GRIN3A: variants seen among roughly 807,000 people sequenced by gnomAD.
The protein encoded by GRIN3A is glutamate ionotropic receptor NMDA type subunit 3A.
A neutral mutation model predicts 92.4 loss-of-function variants in GRIN3A; 47 were observed. The ratio of observed to expected loss-of-function variants is 0.51; its 90% CI spans 0.40 to 0.65. GRIN3A has a LOEUF of 0.65. GRIN3A is among the 30% of genes least tolerant of loss of function. The probability of loss-of-function intolerance (pLI) is 0.00; values close to 1 mark genes in which losing one functional copy is unlikely to be tolerated. For synonymous variants in GRIN3A, 527 were observed against 540.6 expected (o/e 0.97, Z 0.35); for missense variants, 1,324 against 1,393.1 (o/e 0.95, Z 0.79).
At chr9:101,724,568 T>C (rs1017751151) in intron 1 of GRIN3A, among the ~76,000 whole-genome samples, 2 of 152,048 alleles carry the variant, frequency 1.3e-5, no homozygotes, top group Non-Finnish European at 2.9e-5. Context: ...AGTGCAGCGG[T>C]GGGCTGCAGG....
At chr9:101,643,024 C>T (rs927948431) in intron 3 of GRIN3A, among the ~76,000 whole-genome samples, 5 of 151,972 alleles carry the variant, frequency 3.3e-5, no homozygotes, top group African/African-American at 1.2e-4. Flanking sequence ...AAATAAAGTG[C>T]ACAATAAATG....
intron 6 of GRIN3A, among the ~76,000 whole-genome samples, chr9:101,581,146 T>C (rs143199199): frequency 2.6e-5 from 4 of 152,312 alleles, no homozygotes; most frequent in East Asian, 1.9e-4. Flanking sequence ...AACAAACATA[T>C]ACCTCCATGA....
chr9:101,613,594 T>C, intron 5 of GRIN3A, 67 bp from the exon 6 acceptor site: 2 of 1,502,266 alleles, frequency 1.3e-6, no homozygotes, highest in African/African-American at 1.4e-5. Flanking sequence ...CCACAGTACA[T>C]ATTTGTGTGA....
chr9:101,703,176 C>T lies in GRIN3A; in HGVS notation c.700-15976G>A, dbSNP rs1588290406. On this transcript the variant is annotated intron_variant, in intron 1 of 8. Transcript: ENST00000361820. ...GCTTAAAACACTTCAATAGCTTCCT[C>T]ATTGCAACTAAAGCAAAATACAAGC... is the stretch of plus-strand genomic sequence containing the variant. 2.0e-5 allele frequency among the ~76,000 whole-genome samples: 3 copies of T among 152,312 alleles called. No homozygotes were observed. In the South Asian group the frequency reaches 6.2e-4, roughly 32 times the overall value.
intron 2 of GRIN3A, among the ~76,000 whole-genome samples, chr9:101,672,282 G>T (rs1829338298): frequency 6.6e-6 from 1 of 152,100 alleles, no homozygotes; most frequent in African/African-American, 2.4e-5. Flanking sequence ...TAAAGCACAT[G>T]CTACATCTAA....
intron 3 of GRIN3A, among the ~76,000 whole-genome samples, chr9:101,637,179 G>A (rs555054302): frequency 1.9e-4 from 29 of 151,980 alleles, no homozygotes; most frequent in African/African-American, 6.3e-4. Context: ...TGCAAGCTCC[G>A]CCTCCTGGGT....
chr9:101,617,841 C>G (rs1182579857), intron 5 of GRIN3A, among the ~76,000 whole-genome samples: 1 of 143,484 alleles, frequency 7.0e-6, no homozygotes, highest in Non-Finnish European at 1.5e-5. Context: ...TGTTCCCCTT[C>G]CTGTGTCCAT....
At chr9:101,630,379 T>G (rs895254980) in intron 3 of GRIN3A, among the ~76,000 whole-genome samples, 1 of 152,206 alleles carries the variant, frequency 6.6e-6, no homozygotes, top group Non-Finnish European at 1.5e-5. Context: ...CTTGTACATA[T>G]AAAATATGTA....
rs1253879952 is a variant in GRIN3A at position 101,569,419 on chromosome 9, C to G, written c.*3755G>C. On this transcript the variant is annotated 3_prime_UTR_variant, in exon 9 of 9. Coordinates refer to ENST00000361820, the MANE Select transcript of GRIN3A (RefSeq NM_133445.3). ...GAAGATGGAAAAGACCTGAGGACAT[C>G]TAATCCATCCATGTGGTTGTACAAG... is the stretch of plus-strand genomic sequence containing the variant. The G allele has an allele frequency of 6.6e-6, 1 of 152,196 alleles. No individual in the cohort carries two copies. Among genetic ancestry groups the G allele is most frequent in the East Asian group, 1.9e-4 (1 of 5,194 alleles). 9.4% of individuals were successfully genotyped at this position (152,196 alleles called of 1,614,324 possible).
In GRIN3A at chr9:101,737,905, C is replaced by T. The variant is rs1830239004; in HGVS notation, c.75G>A (p.Leu25=). 4 of 1,535,508 alleles carry T rather than the reference C, an allele frequency of 2.6e-6. No homozygotes were observed. In the East Asian group the frequency reaches 9.7e-5, roughly 37 times the overall value. Residue 25 remains leucine, a synonymous_variant, in exon 1 of 9, where the codon CTG becomes CTA. Transcript: ENST00000361820. ...LLLPPPCALV[L]AGVPSSSSHP... is the part of the protein sequence containing the mutation. Reference sequence around the variant, plus strand: ...GCGAGGAGGAGCTGGGCACCCCGGCCAGCACCAGTGCGCAGGGCGGCGGCA... The same window carrying T: ...GCGAGGAGGAGCTGGGCACCCCGGCTAGCACCAGTGCGCAGGGCGGCGGCA...
chr9:101,692,050 A>G (rs541888157), intron 1 of GRIN3A, among the ~76,000 whole-genome samples: 1 of 152,340 alleles, frequency 6.6e-6, no homozygotes, highest in South Asian at 2.1e-4. Flanking sequence ...ATTGACTTAC[A>G]GAGTTTAGTC....
At chr9:101,633,368 C>T (rs1287888519) in intron 3 of GRIN3A, among the ~76,000 whole-genome samples, 1 of 152,208 alleles carries the variant, frequency 6.6e-6, no homozygotes, top group Non-Finnish European at 1.5e-5. Flanking sequence ...CAGCTCCCTT[C>T]TACTGCATTA....
intron 1 of GRIN3A, among the ~76,000 whole-genome samples, chr9:101,697,060 G>A (rs368241126): frequency 1.3e-5 from 2 of 151,966 alleles, no homozygotes; most frequent in African/African-American, 4.8e-5. Context: ...ACTGTATAAT[G>A]GCTTATTTCA....
At chr9:101,662,094 T>G (rs1829179147) in intron 3 of GRIN3A, among the ~76,000 whole-genome samples, 1 of 151,862 alleles carries the variant, frequency 6.6e-6, no homozygotes, top group South Asian at 2.1e-4. Context: ...AAAGGTCGCA[T>G]AACATACAAG....
intron 3 of GRIN3A, among the ~76,000 whole-genome samples, chr9:101,646,418 T>C (rs1828938795): frequency 6.6e-6 from 1 of 151,954 alleles, no homozygotes. Flanking sequence ...CCACTTACTA[T>C]AGCTTTGTAG....
chr9:101,582,758 A>G (rs1827904346), intron 6 of GRIN3A, among the ~76,000 whole-genome samples: 1 of 152,200 alleles, frequency 6.6e-6, no homozygotes. Flanking sequence ...AACTCTGAGC[A>G]GATGGGCCCT....
At chr9:101,711,522 T>A (rs148124465) in intron 1 of GRIN3A, among the ~76,000 whole-genome samples, 77 of 152,308 alleles carry the variant, frequency 5.1e-4, no homozygotes, top group African/African-American at 1.8e-3. Context: ...TGGTGGGCTT[T>A]GCCAGTAGAG....
At chr9:101,621,100 C>T (rs1003862347) in intron 5 of GRIN3A, among the ~76,000 whole-genome samples, 1 of 151,984 alleles carries the variant, frequency 6.6e-6, no homozygotes, top group Non-Finnish European at 1.5e-5. Context: ...GCCTGGCCAA[C>T]ATGGTGAAAT....
At chr9:101,696,194 T>C (rs963911142) in intron 1 of GRIN3A, among the ~76,000 whole-genome samples, 1 of 152,220 alleles carries the variant, frequency 6.6e-6, no homozygotes, top group African/African-American at 2.4e-5. Flanking sequence ...AGGGGAATAA[T>C]ACTAATTGTC....
Sources: allele counts gnomAD v4.1 joint callset (sites outside exome capture counted in the v4.1 genomes callset), GRCh38; gene constraint gnomAD v4.1.1; transcripts MANE v1.5; gene names NCBI Gene and HGNC (gene_info 2026-07-23, HGNC 2026-07-21).